The following RANBP3 variants were observed in gnomAD, a reference collection of about 807,000 sequenced individuals.
The protein encoded by RANBP3 is RAN binding protein 3.
A neutral mutation model predicts 77.3 loss-of-function variants in RANBP3; 14 were observed. That is an observed-to-expected ratio of 0.18 (90% CI 0.12 to 0.28). RANBP3 has a LOEUF of 0.28. Among genes scored for constraint, RANBP3 ranks in the 10% least tolerant of loss-of-function variants. RANBP3 has a pLI of 1.00. For synonymous variants in RANBP3, 315 were observed against 312.4 expected, an observed-to-expected ratio of 1.01 and a Z score of -0.09; for missense variants, 586 against 752.3, an observed-to-expected ratio of 0.78 and a Z score of 2.59.
chr19:5,925,707 T>C lies in RANBP3; in HGVS notation c.844A>G (p.Met282Val). ...LINESVDEAD[M>V]ENAGHPSADT... The stretch of plus-strand genomic sequence containing the variant: ...GCGCTGGGGTGTCCAGCATTCTCCA[T>C]GTCGGCTTCGTCCACGCTCTCATTT... The change falls in exon 10 of 17, where the codon ATG becomes GTG. Residue 282 changes from methionine (M) to valine (V), a missense_variant. Coordinates refer to ENST00000340578, the MANE Select transcript of RANBP3 (RefSeq NM_007322.3). 2 of 1,613,510 alleles carry C rather than the reference T, an allele frequency of 1.2e-6. No homozygotes were observed. Among genetic ancestry groups the C allele is most frequent in the Non-Finnish European group, 8.5e-7 (1 of 1,179,808 alleles).
chr19:5,942,700 CA>C (rs11298054), intron 3 of RANBP3, among the ~76,000 whole-genome samples: 48,141 of 90,482 alleles, frequency 0.53, 9,353 homozygotes, highest in Admixed American at 0.63. Flanking sequence ...GACTCTGTCT[CA>C]AAAAAAAAAA....
At chr19:5,939,630 G>C (rs1191403198) in intron 5 of RANBP3, among the ~76,000 whole-genome samples, 5 of 152,200 alleles carry the variant, frequency 3.3e-5, no homozygotes. Flanking sequence ...AGGAAAAACA[G>C]CATGAATGGG....
chr19:5,940,213 G>A (rs2058117667), intron 5 of RANBP3, among the ~76,000 whole-genome samples: 1 of 152,146 alleles, frequency 6.6e-6, no homozygotes, highest in Non-Finnish European at 1.5e-5. Context: ...GAAGAATGGT[G>A]GTCCCTCGCC....
chr19:5,929,748 C>T (rs138840736), intron 8 of RANBP3, among the ~76,000 whole-genome samples: 11 of 152,298 alleles, frequency 7.2e-5, no homozygotes, highest in African/African-American at 2.6e-4. Flanking sequence ...TGGAAAAGCT[C>T]GGACTCCTGC....
chr19:5,935,648 G>T (rs1467084251), intron 5 of RANBP3: 2 of 451,974 alleles, frequency 4.4e-6, no homozygotes, highest in Admixed American at 4.7e-5. Context: ...GAGCTGCCAA[G>T]CGGAAGCAGG....
In RANBP3 at chr19:5,925,756, G is replaced by T; in HGVS notation, c.814-19C>A. On this transcript the variant is annotated intron_variant, in intron 9 of 16. Coordinates refer to ENST00000340578, the MANE Select transcript of RANBP3 (RefSeq NM_007322.3). ...TTATCAGCTGGGAATGAGACGGAGCGCTCAGTAATCGGGGGTGGGGGGGTG... is the reference window on the plus strand; with the variant it reads ...TTATCAGCTGGGAATGAGACGGAGCTCTCAGTAATCGGGGGTGGGGGGGTG... 1 of 1,604,904 alleles carries T rather than the reference G, an allele frequency of 6.2e-7. No individual in the cohort carries two copies. Among genetic ancestry groups the T allele is most frequent in the Non-Finnish European group, 8.5e-7 (1 of 1,172,112 alleles).
chr19:5,975,666 T>A (rs1364455528), intron 1 of RANBP3, among the ~76,000 whole-genome samples: 5 of 146,032 alleles, frequency 3.4e-5, no homozygotes, highest in Non-Finnish European at 6.0e-5. Flanking sequence ...CATGCCGGAT[T>A]GTTAAGAGCT....
In RANBP3 at chr19:5,967,454, A is replaced by C. The variant is rs539777343; in HGVS notation, c.23-9481T>G. 2.1e-4 allele frequency among the ~76,000 whole-genome samples: 32 copies of C among 152,324 alleles called. No individual in the cohort carries two copies. In the South Asian group the frequency reaches 4.4e-3, roughly 21 times the overall value. On this transcript the variant is annotated intron_variant, in intron 1 of 16. Coordinates refer to ENST00000340578, the MANE Select transcript of RANBP3 (RefSeq NM_007322.3). ...ATTGCAGGGGCAACAGGCATTTGTT[A>C]AAAGGCCTTTACTGGACTCCGAGGT...
chr19:5,937,056 CAAAAAAAAAAAAAAAAAA>C (rs71172783), intron 5 of RANBP3, among the ~76,000 whole-genome samples: 1 of 37,160 alleles, frequency 2.7e-5, no homozygotes, highest in African/African-American at 9.0e-5. Context: ...ACTCTGTCTC[CAAAAAAAAAAAAAAAAAA>C]AAAAAAAAAA....
At position 5,958,407 on chromosome 19, in the gene RANBP3, G is replaced by C. The variant is rs192118962; in HGVS notation, c.23-434C>G. Among the ~76,000 whole-genome samples, 1 of 152,234 alleles carries C rather than the reference G, an allele frequency of 6.6e-6. No individual in the cohort carries two copies. Among genetic ancestry groups the C allele is most frequent in the Non-Finnish European group, 1.5e-5 (1 of 68,048 alleles). On this transcript the variant is annotated intron_variant, in intron 1 of 16. Coordinates refer to ENST00000340578, the MANE Select transcript of RANBP3 (RefSeq NM_007322.3). This position sits in a 1 kb window ranked among gnomAD's most constrained non-coding sequence, Gnocchi z 4.4. ...AGGGCAAAAAAAAGGGCCACCGCTCGCGCTGTTTGCAGACAGTTCTGGTAG... is the reference window on the plus strand; with the variant it reads ...AGGGCAAAAAAAAGGGCCACCGCTCCCGCTGTTTGCAGACAGTTCTGGTAG...
Position 5,916,654 on chromosome 19 carries a change from G to C in RANBP3, c.*956C>G, listed in dbSNP as rs951394416. On this transcript the variant is annotated 3_prime_UTR_variant, in exon 17 of 17. Transcript: ENST00000340578. ...GAAGCCCCTGGCCCTGGACTGTCCT[G>C]GGGGCAGGGACACCTGTGGCTGGGG... The C allele has an allele frequency of 6.6e-6, 1 of 152,548 alleles. No individual in the cohort carries two copies. Among genetic ancestry groups the C allele is most frequent in the African/African-American group, 2.4e-5 (1 of 41,486 alleles). The allele number at this position is 152,548 out of a possible 1,614,324, so 9.4% of individuals were successfully genotyped here.
chr19:5,936,582 T>C (rs2058067695), intron 5 of RANBP3, among the ~76,000 whole-genome samples: 1 of 152,138 alleles, frequency 6.6e-6, no homozygotes. Context: ...CCATGTTCCC[T>C]GAAGAACCAG....
At position 5,921,022 on chromosome 19, in the gene RANBP3, G is replaced by A. The variant is rs933281438; in HGVS notation, c.1330+179C>T. 4.9e-6 allele frequency: 3 copies of A among 611,148 alleles called. No homozygotes were observed. The highest frequency in any genetic ancestry group is 7.7e-6 in the Non-Finnish European group (3 of 388,608). The allele number at this position is 611,148 out of a possible 1,614,324, so 37.9% of individuals were successfully genotyped here. ...GCTGGAGCCAGTGTGTGAGGGTGGTGTTGAGGGCTGGGTGCAGGGAGGGGG... is the reference window on the plus strand; with the variant it reads ...GCTGGAGCCAGTGTGTGAGGGTGGTATTGAGGGCTGGGTGCAGGGAGGGGG... On this transcript the variant is annotated intron_variant, in intron 14 of 16. Transcript: ENST00000340578. The surrounding 1 kb of genome is among the most constrained non-coding windows in gnomAD (Gnocchi z 5.3).
intron 1 of RANBP3, among the ~76,000 whole-genome samples, chr19:5,964,867 C>A (rs1252532215): frequency 4.7e-5 from 2 of 42,400 alleles, no homozygotes; most frequent in African/African-American, 7.1e-5. Context: ...GGGGGGGTGG[C>A]ACGGTGGGGG....
At chr19:5,962,258 G>A (rs1473318259) in intron 1 of RANBP3, among the ~76,000 whole-genome samples, 1 of 152,192 alleles carries the variant, frequency 6.6e-6, no homozygotes, top group Non-Finnish European at 1.5e-5. Context: ...AGGAAGAGTG[G>A]AGAACAGGAA....
At chr19:5,933,218 C>G (rs55776419) in intron 6 of RANBP3, 196 bp downstream of exon 6, 1 of 526,004 alleles carries the variant, frequency 1.9e-6, no homozygotes, top group Non-Finnish European at 3.4e-6. Flanking sequence ...TCTGAACACA[C>G]GACGCTCACA....
intron 13 of RANBP3, among the ~76,000 whole-genome samples, chr19:5,922,116 ATGT>A (rs1162131998): frequency 1.3e-5 from 2 of 151,560 alleles, no homozygotes; most frequent in African/African-American, 4.8e-5. Context: ...GGGGGCAGAA[ATGT>A]TGTACGTTAG....
In RANBP3 at chr19:5,967,235, G is replaced by A. The variant is rs926207777; in HGVS notation, c.23-9262C>T. On this transcript the variant is annotated intron_variant, in intron 1 of 16. Coordinates refer to ENST00000340578, the MANE Select transcript of RANBP3 (RefSeq NM_007322.3). ...TGACTCCGTTCTTTTCTCAATACTC[G>A]AATATATTTCTATAACTTTCAACTG... Among the ~76,000 whole-genome samples the A allele has an allele frequency of 3.3e-5, 5 of 152,186 alleles. No individual in the cohort carries two copies. In the East Asian group the frequency reaches 7.7e-4, roughly 23 times the overall value.
intron 2 of RANBP3, among the ~76,000 whole-genome samples, chr19:5,956,169 G>A (rs2058332947): frequency 6.6e-6 from 1 of 152,140 alleles, no homozygotes; most frequent in Non-Finnish European, 1.5e-5. Flanking sequence ...AACACAGGTG[G>A]CAGTGCTGTG....
Sources: allele counts gnomAD v4.1 joint callset (sites outside exome capture counted in the v4.1 genomes callset), GRCh38; gene constraint gnomAD v4.1.1; non-coding constraint Gnocchi (gnomAD v3.1); transcripts MANE v1.5; gene names NCBI Gene and HGNC (gene_info 2026-07-23, HGNC 2026-07-21).